ZNF385B: variants seen among roughly 807,000 people sequenced by gnomAD.
The protein encoded by ZNF385B is zinc finger protein 385B, also known as zinc finger protein 533.
Under a neutral mutation model 39.2 loss-of-function variants are expected in ZNF385B, and 23 were observed. The observed-to-expected ratio is 0.59, with a 90% CI of 0.42 to 0.83. ZNF385B has a LOEUF of 0.83. Ranked by LOEUF, ZNF385B falls within the 40% of genes least tolerant of loss-of-function variation. The pLI is 0.00. For synonymous variants in ZNF385B, 205 were observed against 222.6 expected (o/e 0.92, Z 0.70); for missense variants, 552 against 598.9 (o/e 0.92, Z 0.82).
In ZNF385B at chr2:179,633,886, G is replaced by T. The variant is rs145451343; in HGVS notation, c.299-88917C>A. On this transcript the variant is annotated intron_variant, in intron 3 of 9. Coordinates refer to ENST00000410066, the MANE Select transcript of ZNF385B (RefSeq NM_152520.6). ...TATAGACCAATGGAATAGGACACAG[G>T]CCTCAGAAATAATACCACACATCTA... Among the ~76,000 whole-genome samples the T allele has an allele frequency of 9.4e-3, 1,430 of 152,166 alleles. 27 individuals carry two copies. The highest frequency in any genetic ancestry group is 0.032 in the African/African-American group (1,337 of 41,524).
chr2:179,562,464 TA>T, intron 3 of ZNF385B: 1 of 985,384 alleles, frequency 1.0e-6, no homozygotes, highest in Non-Finnish European at 1.2e-6. Context: ...ATGTTACATT[TA>T]AAAGTAAATA....
At chr2:179,656,359 C>T (rs561658770) in intron 3 of ZNF385B, among the ~76,000 whole-genome samples, 207 of 152,158 alleles carry the variant, frequency 1.4e-3, no homozygotes, top group African/African-American at 4.7e-3. Flanking sequence ...AAAACTGAGG[C>T]TTAAAGAGGG....
intron 3 of ZNF385B, among the ~76,000 whole-genome samples, chr2:179,679,601 ATTGTTG>A (rs71401757): frequency 0.38 from 57,328 of 150,232 alleles, 11,756 homozygotes; most frequent in East Asian, 0.57. Flanking sequence ...AACAGCTATT[ATTGTTG>A]TTGTTGTTGT....
At chr2:179,520,179 A>T (rs1259679962) in intron 4 of ZNF385B, among the ~76,000 whole-genome samples, 1 of 152,116 alleles carries the variant, frequency 6.6e-6, no homozygotes. Flanking sequence ...CTTAAAAAAA[A>T]AAATGCTAAG....
At chr2:179,570,622 C>T (rs1032951010) in intron 3 of ZNF385B, among the ~76,000 whole-genome samples, 8 of 152,174 alleles carry the variant, frequency 5.3e-5, no homozygotes, top group African/African-American at 1.9e-4. Context: ...CTCTTTGTTT[C>T]TCTGATTCTG....
At chr2:179,787,648 T>C (rs1040817915) in intron 1 of ZNF385B, among the ~76,000 whole-genome samples, 2 of 152,164 alleles carry the variant, frequency 1.3e-5, no homozygotes, top group African/African-American at 4.8e-5. Flanking sequence ...TTAAAGACTG[T>C]CCTCCTCTTC....
At chr2:179,470,522 G>A (rs2052633745) in intron 6 of ZNF385B, among the ~76,000 whole-genome samples, 2 of 152,098 alleles carry the variant, frequency 1.3e-5, no homozygotes, top group African/African-American at 4.8e-5. Context: ...GGGTCGCTAG[G>A]GCCACTCAGG....
At chr2:179,770,215 T>C (rs1703935462) in intron 2 of ZNF385B, among the ~76,000 whole-genome samples, 1 of 152,190 alleles carries the variant, frequency 6.6e-6, no homozygotes, top group Non-Finnish European at 1.5e-5. Flanking sequence ...AGAGTATGCA[T>C]TTCTTAGGCA....
chr2:179,733,781 T>C (rs1575378811), intron 3 of ZNF385B, among the ~76,000 whole-genome samples: 2 of 35,746 alleles, frequency 5.6e-5, no homozygotes, highest in East Asian at 7.2e-4. Flanking sequence ...AGACTCCGTC[T>C]CAAAAAAAAA....
chr2:179,649,804 G>A (rs1693047861), intron 3 of ZNF385B, among the ~76,000 whole-genome samples: 2 of 151,908 alleles, frequency 1.3e-5, no homozygotes, highest in South Asian at 2.1e-4. Context: ...TTTGCTTTTT[G>A]TTACATTTCT....
At chr2:179,812,936 G>C (rs997304728) in intron 1 of ZNF385B, among the ~76,000 whole-genome samples, 2 of 151,828 alleles carry the variant, frequency 1.3e-5, no homozygotes, top group African/African-American at 4.8e-5. Context: ...ATTTGCAAGA[G>C]AGCTCTCCTA....
chr2:179,556,689 G>A (rs1196902485), intron 3 of ZNF385B, among the ~76,000 whole-genome samples: 1 of 149,242 alleles, frequency 6.7e-6, no homozygotes, highest in Non-Finnish European at 1.5e-5. Flanking sequence ...ACATTTGCCT[G>A]GTGACTCTCC....
At chr2:179,562,878 T>C (rs1188574241) in intron 3 of ZNF385B, among the ~76,000 whole-genome samples, 1 of 152,190 alleles carries the variant, frequency 6.6e-6, no homozygotes, top group African/African-American at 2.4e-5. Flanking sequence ...TTATTCCCCC[T>C]CAGGTGGGCA....
chr2:179,475,320 G>A (rs970019737), intron 6 of ZNF385B, among the ~76,000 whole-genome samples: 2 of 148,306 alleles, frequency 1.3e-5, no homozygotes, highest in Non-Finnish European at 3.0e-5. Flanking sequence ...GTGCGAACTC[G>A]GCTCACTGCA....
rs907414485 is a variant in ZNF385B, at chr2:179,818,563, G to A, written c.-155+42538C>T. ...ATCATGATTAATCTCTCGCTAGAGT[G>A]TTAATATTACACATAATCATAAAAT... On this transcript the variant is annotated intron_variant, in intron 1 of 9. Transcript: ENST00000410066. Among the ~76,000 whole-genome samples the A allele has an allele frequency of 2.0e-5, 3 of 152,154 alleles. No individual in the cohort carries two copies. The East Asian group carries it at 5.8e-4, about 29-fold the overall frequency.
intron 3 of ZNF385B, among the ~76,000 whole-genome samples, chr2:179,665,811 C>CT (rs72068930): frequency 9.7e-4 from 142 of 146,724 alleles, no homozygotes; most frequent in East Asian, 9.1e-3. Flanking sequence ...GAAGTGCTAT[C>CT]TTTTTTTTTT....
At chr2:179,671,971 C>T (rs1379352309) in intron 3 of ZNF385B, among the ~76,000 whole-genome samples, 2 of 152,224 alleles carry the variant, frequency 1.3e-5, no homozygotes, top group Admixed American at 6.5e-5. Context: ...TAGAGACACC[C>T]GGGTAAGATT....
At chr2:179,720,141 C>A (rs1220396012) in intron 3 of ZNF385B, among the ~76,000 whole-genome samples, 1 of 151,986 alleles carries the variant, frequency 6.6e-6, no homozygotes, top group African/African-American at 2.4e-5. Flanking sequence ...TCATCTCATG[C>A]AAAACAGATT....
rs534556078 is a variant in ZNF385B at position 179,668,650 on chromosome 2, A to G, written c.298+100853T>C. ...TTTTTTTTTTTTTTTAACTTTCTAT[A>G]TTTGATTAGTTTCTGCTGAGAGGAG... On this transcript the variant is annotated intron_variant, in intron 3 of 9. Transcript: ENST00000410066. Among the ~76,000 whole-genome samples, 350 of 132,342 alleles carry G rather than the reference A, an allele frequency of 2.6e-3. 1 individual carries two copies. The highest frequency in any genetic ancestry group is 4.5e-3 in the Non-Finnish European group (278 of 62,298). The allele number at this position is 132,342 out of a possible 152,430, so 86.8% of individuals were successfully genotyped here. A position where few individuals can be genotyped will look rare whatever the true frequency, so the allele number is the denominator to read the frequency against.
Sources: gnomAD v4.1 joint callset for allele counts (sites outside exome capture counted in the v4.1 genomes callset) on GRCh38, gnomAD v4.1.1 for gene constraint, MANE v1.5 for transcripts, NCBI Gene and HGNC (gene_info 2026-07-23, HGNC 2026-07-21) for gene names.